ATRNL1: variants seen among roughly 807,000 people sequenced by gnomAD.
ATRNL1 encodes attractin-like protein 1.
ATRNL1 carries 95 observed loss-of-function variants against 182.7 expected under a neutral mutation model. That is an observed-to-expected ratio of 0.52 (90% CI 0.44 to 0.62). The LOEUF (loss-of-function observed/expected upper bound fraction) is 0.62, where lower values mean the gene tolerates loss of function less well. Ranked by LOEUF, ATRNL1 falls within the 20% of genes least tolerant of loss-of-function variation. The pLI, the probability that ATRNL1 is intolerant of heterozygous loss-of-function variation, is 0.00. For synonymous variants in ATRNL1, 576 were observed against 568.3 expected (o/e 1.01, Z -0.19); for missense variants, 1,471 against 1,679.5 (o/e 0.88, Z 2.17).
intron 15 of ATRNL1, among the ~76,000 whole-genome samples, chr10:115,297,986 A>G (rs1853290111): frequency 6.6e-6 from 1 of 152,160 alleles, no homozygotes; most frequent in African/African-American, 2.4e-5. Flanking sequence ...TTCATCACAC[A>G]TTCAAAAGTT....
intron 5 of ATRNL1, among the ~76,000 whole-genome samples, chr10:115,142,090 C>G (rs1845775525): frequency 6.6e-6 from 1 of 151,966 alleles, no homozygotes; most frequent in Non-Finnish European, 1.5e-5. Flanking sequence ...CTAGGAGAGA[C>G]AGACCCTAAA....
In ATRNL1 at chr10:115,947,289, G is replaced by T. The variant is rs554980455; in HGVS notation, c.*2510G>T. ...TTAAATCAAACCACACAAATATGCA[G>T]ATACTTTCCCAGAATTTCGCAGTTA... is the stretch of plus-strand genomic sequence containing the variant. On this transcript the variant is annotated 3_prime_UTR_variant, in exon 29 of 29. Coordinates refer to ENST00000355044, the MANE Select transcript of ATRNL1 (RefSeq NM_207303.4). The T allele has an allele frequency of 6.6e-6, 1 of 152,604 alleles. No individual in the cohort carries two copies. The highest frequency in any genetic ancestry group is 2.4e-5 in the African/African-American group (1 of 41,518). 9.5% of individuals were successfully genotyped at this position (152,604 alleles called of 1,614,324 possible).
intron 27 of ATRNL1, among the ~76,000 whole-genome samples, chr10:115,822,853 C>A (rs1309939286): frequency 6.6e-6 from 1 of 152,092 alleles, no homozygotes; most frequent in Non-Finnish European, 1.5e-5. Flanking sequence ...ACCAGAGGTA[C>A]AAAAAGGAGC....
chr10:115,447,891 A>G (rs1287340441), intron 21 of ATRNL1, among the ~76,000 whole-genome samples: 1 of 151,944 alleles, frequency 6.6e-6, no homozygotes, highest in Non-Finnish European at 1.5e-5. Context: ...CCACTTCCTC[A>G]CCAACATTTT....
intron 19 of ATRNL1, among the ~76,000 whole-genome samples, chr10:115,348,027 G>T (rs782792809): frequency 6.6e-6 from 1 of 152,174 alleles, no homozygotes; most frequent in Non-Finnish European, 1.5e-5. Flanking sequence ...AGGCTGGAGT[G>T]CAGTGGTATG....
chr10:115,692,672 C>T (rs1946430799), intron 26 of ATRNL1, among the ~76,000 whole-genome samples: 1 of 150,348 alleles, frequency 6.7e-6, no homozygotes, highest in Non-Finnish European at 1.5e-5. Flanking sequence ...AAATATAATC[C>T]TATAAGAGAT....
intron 27 of ATRNL1, among the ~76,000 whole-genome samples, chr10:115,844,376 G>A (rs559222883): frequency 7.2e-5 from 11 of 152,150 alleles, no homozygotes; most frequent in South Asian, 2.1e-4. Flanking sequence ...TTTTCCAAAC[G>A]TGCAGTGATT....
chr10:115,453,313 A>C (rs532291246), intron 21 of ATRNL1, among the ~76,000 whole-genome samples: 6 of 149,294 alleles, frequency 4.0e-5, no homozygotes, highest in African/African-American at 1.2e-4. Flanking sequence ...CATTCCCATA[A>C]ACAGTATACA....
chr10:115,790,684 C>G (rs1370534740), intron 27 of ATRNL1, among the ~76,000 whole-genome samples: 1 of 151,056 alleles, frequency 6.6e-6, no homozygotes, highest in Non-Finnish European at 1.5e-5. Context: ...TCAGAGAGAT[C>G]TAGACCAGTA....
chr10:115,679,312 T>G (rs977567074), intron 26 of ATRNL1, among the ~76,000 whole-genome samples: 6 of 151,868 alleles, frequency 4.0e-5, no homozygotes, highest in African/African-American at 1.5e-4. Context: ...GTTTGGTTGG[T>G]TGGTTGGTTT....
intron 1 of ATRNL1, among the ~76,000 whole-genome samples, chr10:115,114,943 C>T (rs782275510): frequency 1.3e-5 from 2 of 152,040 alleles, no homozygotes; most frequent in Non-Finnish European, 2.9e-5. Context: ...ATGTTCATTG[C>T]AGCATTGTTC....
At chr10:115,854,951 C>T (rs1249831098) in intron 28 of ATRNL1, among the ~76,000 whole-genome samples, 1 of 152,118 alleles carries the variant, frequency 6.6e-6, no homozygotes, top group African/African-American at 2.4e-5. Flanking sequence ...CATACCTTTG[C>T]AGACTTTTCA....
At chr10:115,359,703 A>G (rs566628225) in intron 19 of ATRNL1, among the ~76,000 whole-genome samples, 1 of 151,744 alleles carries the variant, frequency 6.6e-6, no homozygotes, top group East Asian at 1.9e-4. Flanking sequence ...AATAAGGAAG[A>G]AAATGCAATT....
chr10:115,785,215 C>T (rs912765738), intron 27 of ATRNL1, among the ~76,000 whole-genome samples: 7 of 152,208 alleles, frequency 4.6e-5, no homozygotes, highest in Admixed American at 2.0e-4. Context: ...TAGACATTCT[C>T]ATTCCAAAAG....
At chr10:115,795,770 C>T (rs926610612) in intron 27 of ATRNL1, among the ~76,000 whole-genome samples, 5 of 152,076 alleles carry the variant, frequency 3.3e-5, no homozygotes, top group African/African-American at 9.7e-5. Context: ...AGGGATGGTG[C>T]GAAGTGCTAA....
At chr10:115,498,999 G>GA (rs1250510758) in intron 24 of ATRNL1, among the ~76,000 whole-genome samples, 2 of 151,870 alleles carry the variant, frequency 1.3e-5, no homozygotes, top group Admixed American at 1.3e-4. Flanking sequence ...GATAGGTTAT[G>GA]AAAAAATTAT....
chr10:115,811,483 T>C (rs147758864), intron 27 of ATRNL1, among the ~76,000 whole-genome samples: 1 of 152,056 alleles, frequency 6.6e-6, no homozygotes, highest in African/African-American at 2.4e-5. Flanking sequence ...ATTAGTTTCA[T>C]TGATAATGCC....
At chr10:115,837,794 A>G (rs1950713986) in intron 27 of ATRNL1, among the ~76,000 whole-genome samples, 1 of 152,172 alleles carries the variant, frequency 6.6e-6, no homozygotes. Flanking sequence ...GGAGAGAAAG[A>G]TAAGAAAAGA....
At chr10:115,759,305 A>G (rs1333071677) in intron 27 of ATRNL1, among the ~76,000 whole-genome samples, 3 of 152,276 alleles carry the variant, frequency 2.0e-5, no homozygotes, top group Non-Finnish European at 4.4e-5. Context: ...GGGTTGTTCT[A>G]TGAGAAAACA....
Sources: gnomAD v4.1 joint callset for allele counts (sites outside exome capture counted in the v4.1 genomes callset) on GRCh38, gnomAD v4.1.1 for gene constraint, MANE v1.5 for transcripts, NCBI Gene and HGNC (gene_info 2026-07-23, HGNC 2026-07-21) for gene names.